Variants in IFT81 observed in about 807,000 individuals in gnomAD.
IFT81 encodes the protein intraflagellar transport 81, also known as intraflagellar transport protein 81 homolog.
Under a neutral mutation model 102.6 loss-of-function variants are expected in IFT81, and 72 were observed. The ratio of observed to expected loss-of-function variants is 0.70; its 90% confidence interval spans 0.58 to 0.85. IFT81 has a LOEUF of 0.85. Ranked by LOEUF, IFT81 falls within the 40% of genes least tolerant of loss-of-function variation. The pLI, the probability that IFT81 is intolerant of heterozygous loss-of-function variation, is 0.00. For synonymous variants in IFT81, 237 were observed against 242.7 expected (o/e 0.98, Z 0.22); for missense variants, 723 against 787.3 (o/e 0.92, Z 0.98).
At chr12:110,191,687 T>C (rs7296679) in intron 13 of IFT81, among the ~76,000 whole-genome samples, 63,292 of 151,894 alleles carry the variant, frequency 0.42, 14,669 homozygotes, top group African/African-American at 0.61. Context: ...TTTCAGGACT[T>C]GTATTCAATC....
intron 5 of IFT81, among the ~76,000 whole-genome samples, chr12:110,134,039 C>T (rs1358000613): frequency 1.3e-5 from 2 of 151,948 alleles, no homozygotes; most frequent in Admixed American, 1.3e-4. Flanking sequence ...CTCACTCTGT[C>T]ACCCAGGGTG....
chr12:110,128,173 G>A, intron 3 of IFT81, 24 bp downstream of exon 3: 1 of 1,451,370 alleles, frequency 6.9e-7, no homozygotes, highest in South Asian at 1.2e-5. Flanking sequence ...CACGTATTGA[G>A]TTTTTAAAAT....
intron 10 of IFT81, among the ~76,000 whole-genome samples, chr12:110,151,912 C>T (rs543579864): frequency 6.6e-6 from 1 of 152,248 alleles, no homozygotes; most frequent in South Asian, 2.1e-4. Context: ...CACTATTTGT[C>T]TTTCTGTGCC....
chr12:110,174,409 T>A (rs1284014665), intron 11 of IFT81, among the ~76,000 whole-genome samples: 1 of 145,512 alleles, frequency 6.9e-6, no homozygotes, highest in Non-Finnish European at 1.5e-5. Flanking sequence ...GACCCGAGAT[T>A]GCACCATTGC....
intron 17 of IFT81, among the ~76,000 whole-genome samples, chr12:110,208,300 C>T (rs1178156027): frequency 6.6e-6 from 1 of 152,118 alleles, no homozygotes; most frequent in Admixed American, 6.5e-5. Flanking sequence ...CCCCAGAGTT[C>T]AAGACCAGCC....
chr12:110,180,311 A>T (rs1025145209), intron 11 of IFT81, 111 bp from the exon 12 acceptor site: 4 of 404,316 alleles, frequency 9.9e-6, no homozygotes, highest in East Asian at 8.0e-5. Flanking sequence ...TACGTGTGAC[A>T]TGTTGGGAAG....
At chr12:110,197,874 G>A (rs1489062138) in intron 14 of IFT81, among the ~76,000 whole-genome samples, 5 of 151,722 alleles carry the variant, frequency 3.3e-5, no homozygotes, top group Non-Finnish European at 7.4e-5. Flanking sequence ...CACCACACCC[G>A]GCTAATTTTG....
chr12:110,143,748 A>G (rs1184958840), intron 9 of IFT81, among the ~76,000 whole-genome samples: 1 of 152,206 alleles, frequency 6.6e-6, no homozygotes, highest in Non-Finnish European at 1.5e-5. Flanking sequence ...TGTTATGAAA[A>G]CATAATCAAT....
chr12:110,132,031 A>G (rs1894194148), intron 4 of IFT81, among the ~76,000 whole-genome samples: 1 of 152,210 alleles, frequency 6.6e-6, no homozygotes, highest in South Asian at 2.1e-4. Context: ...AAATGAAGAT[A>G]GAGAAGTATT....
chr12:110,139,240 G>C (rs921436732), intron 8 of IFT81, among the ~76,000 whole-genome samples: 1 of 151,548 alleles, frequency 6.6e-6, no homozygotes, highest in African/African-American at 2.4e-5. Flanking sequence ...GGGAGGCTGA[G>C]GTGGGAGGAT....
At chr12:110,163,521 G>C (rs911471194) in intron 11 of IFT81, among the ~76,000 whole-genome samples, 1 of 151,970 alleles carries the variant, frequency 6.6e-6, no homozygotes, top group African/African-American at 2.4e-5. Flanking sequence ...GATTACAGGC[G>C]TGAGCCACCA....
chr12:110,156,075 T>C (rs1430559914), intron 10 of IFT81, among the ~76,000 whole-genome samples: 1 of 152,250 alleles, frequency 6.6e-6, no homozygotes. Flanking sequence ...TTATATCTTT[T>C]ACACATTGTA....
intron 12 of IFT81, among the ~76,000 whole-genome samples, chr12:110,189,930 A>G (rs988702989): frequency 6.6e-6 from 1 of 152,188 alleles, no homozygotes; most frequent in South Asian, 2.1e-4. Flanking sequence ...ACACAGAACC[A>G]TTTCTCATTA....
intron 11 of IFT81, among the ~76,000 whole-genome samples, chr12:110,163,905 C>T: frequency 6.6e-6 from 1 of 152,014 alleles, no homozygotes; most frequent in Non-Finnish European, 1.5e-5. Flanking sequence ...TGAGCCACTG[C>T]ACCCGGCCCC....
At chr12:110,209,398 G>A (rs1176060109) in intron 18 of IFT81, among the ~76,000 whole-genome samples, 182 bp downstream of exon 18, 1 of 152,114 alleles carries the variant, frequency 6.6e-6, no homozygotes, top group African/African-American at 2.4e-5. Flanking sequence ...ATAAAGTCAC[G>A]ATGGATTTTT....
chr12:110,144,584 C>T (rs1451710999), intron 9 of IFT81, among the ~76,000 whole-genome samples: 5 of 151,492 alleles, frequency 3.3e-5, no homozygotes, highest in Non-Finnish European at 5.9e-5. Flanking sequence ...GATCTCAGCT[C>T]CCTGCAACCT....
chr12:110,202,923 A>T lies in IFT81; in HGVS notation c.1558-941A>T, dbSNP rs115873654. On this transcript the variant is annotated intron_variant, in intron 14 of 18. Coordinates refer to ENST00000242591, the MANE Select transcript of IFT81 (RefSeq NM_014055.4). ...TAGAATGTTTTACGAAGTTCTTCTA[A>T]TTAAGCCCCTGCCTAGGTCTTCAGC... 4.7e-3 allele frequency among the ~76,000 whole-genome samples: 721 copies of T among 152,242 alleles called. 4 individuals carry two copies. The highest frequency in any genetic ancestry group is 0.017 in the African/African-American group (702 of 41,542).
intron 14 of IFT81, among the ~76,000 whole-genome samples, chr12:110,196,678 T>C (rs774802728): frequency 1.3e-5 from 2 of 152,186 alleles, no homozygotes; most frequent in Non-Finnish European, 2.9e-5. Context: ...AGTGAAACCT[T>C]GTCTTTAAAA....
At chr12:110,157,958 T>C (rs1238692507) in intron 10 of IFT81, among the ~76,000 whole-genome samples, 1 of 152,236 alleles carries the variant, frequency 6.6e-6, no homozygotes, top group African/African-American at 2.4e-5. Flanking sequence ...TCATGAGTTC[T>C]TTGAGCATCT....
Sources: gnomAD v4.1 joint callset for allele counts (sites outside exome capture counted in the v4.1 genomes callset) on GRCh38, gnomAD v4.1.1 for gene constraint, MANE v1.5 for transcripts, NCBI Gene and HGNC (gene_info 2026-07-23, HGNC 2026-07-21) for gene names.